INSYN2B: variants seen among roughly 807,000 people sequenced by gnomAD.
INSYN2B encodes inhibitory synaptic factor family member 2B, also known as protein INSYN2B.
INSYN2B carries 16 observed loss-of-function variants against 41.2 expected under a neutral mutation model. The observed-to-expected ratio is 0.39, with a 90% CI of 0.26 to 0.59. The LOEUF (loss-of-function observed/expected upper bound fraction) is 0.59, where lower values mean the gene tolerates loss of function less well. Among genes scored for constraint, INSYN2B ranks in the 20% least tolerant of loss-of-function variants. The probability of loss-of-function intolerance (pLI) is 0.57; values close to 1 mark genes in which losing one functional copy is unlikely to be tolerated. For synonymous variants in INSYN2B, 245 were observed against 244.4 expected (o/e 1.00, Z -0.02); for missense variants, 608 against 646.4 (o/e 0.94, Z 0.64).
chr5:169,924,222 C>A (rs1033506439), intron 1 of INSYN2B, among the ~76,000 whole-genome samples: 1 of 152,148 alleles, frequency 6.6e-6, no homozygotes, highest in African/African-American at 2.4e-5. Context: ...GTTACACCAG[C>A]CACACACACT....
rs1771631378 is a variant in INSYN2B, at chr5:169,867,340, A to G, written c.1422-2881T>C. Among the ~76,000 whole-genome samples, 7 of 152,296 alleles carry G rather than the reference A, an allele frequency of 4.6e-5. No homozygotes were observed. The South Asian group carries it at 1.0e-3, about 23-fold the overall frequency. Reference sequence around the variant, plus strand: ...CTGCTCCTGAGGCCTAACTCACCCAACGTGATAACAAAAGATTGTAACAAG... The same window carrying G: ...CTGCTCCTGAGGCCTAACTCACCCAGCGTGATAACAAAAGATTGTAACAAG... On this transcript the variant is annotated intron_variant, in intron 3 of 3. Transcript: ENST00000377365.
At chr5:169,965,166 CA>C (rs1022228903) in intron 1 of INSYN2B, among the ~76,000 whole-genome samples, 4 of 152,218 alleles carry the variant, frequency 2.6e-5, no homozygotes, top group African/African-American at 7.2e-5. Flanking sequence ...AGAAGGCTTA[CA>C]AAAGATACAT....
At chr5:169,896,093 G>T (rs1450123897) in intron 1 of INSYN2B, among the ~76,000 whole-genome samples, 2 of 152,068 alleles carry the variant, frequency 1.3e-5, no homozygotes, top group African/African-American at 2.4e-5. Flanking sequence ...AGCCTGATTG[G>T]CTGCACTGGG....
chr5:169,892,021 AAAAAG>A (rs1243606805), intron 1 of INSYN2B, among the ~76,000 whole-genome samples: 1 of 151,970 alleles, frequency 6.6e-6, no homozygotes. Context: ...AAGAAAAAGA[AAAAAG>A]AAAAGAAAAA....
chr5:169,870,626 A>C (rs1447199229), intron 3 of INSYN2B, among the ~76,000 whole-genome samples: 1 of 151,286 alleles, frequency 6.6e-6, no homozygotes, highest in Non-Finnish European at 1.5e-5. Context: ...ATTATACTTT[A>C]AGTTTTAGGG....
chr5:169,963,113 C>T (rs1777157997), intron 1 of INSYN2B, among the ~76,000 whole-genome samples: 1 of 152,220 alleles, frequency 6.6e-6, no homozygotes, highest in Admixed American at 6.5e-5. Flanking sequence ...CAGGAAACTA[C>T]ACCTTCTACC....
At chr5:169,893,540 G>A (rs1399739460) in intron 1 of INSYN2B, among the ~76,000 whole-genome samples, 1 of 147,812 alleles carries the variant, frequency 6.8e-6, no homozygotes, top group Non-Finnish European at 1.5e-5. Context: ...TATTTTTCCT[G>A]GGGTCAAACA....
intron 3 of INSYN2B, among the ~76,000 whole-genome samples, chr5:169,879,988 G>A (rs1366781054): frequency 6.6e-6 from 1 of 152,176 alleles, no homozygotes; most frequent in Non-Finnish European, 1.5e-5. Flanking sequence ...TGTTTATGAT[G>A]AATAGTTTTG....
At chr5:169,925,546 C>T (rs1034515539) in intron 1 of INSYN2B, among the ~76,000 whole-genome samples, 14 of 136,586 alleles carry the variant, frequency 1.0e-4, no homozygotes, top group African/African-American at 3.9e-4. Context: ...GGCCACTGAA[C>T]TCCAGCCTGG....
At chr5:169,972,632 T>C (rs113316809) in intron 1 of INSYN2B, among the ~76,000 whole-genome samples, 57 of 141,254 alleles carry the variant, frequency 4.0e-4, no homozygotes, top group African/African-American at 1.3e-3. Context: ...AGATAGATGA[T>C]AGGTGGATAA....
chr5:169,910,673 A>G (rs928845918), intron 1 of INSYN2B, among the ~76,000 whole-genome samples: 2 of 152,156 alleles, frequency 1.3e-5, no homozygotes, highest in African/African-American at 4.8e-5. Context: ...CCCCAAAATG[A>G]CCTGTTACAT....
At chr5:169,880,360 T>C (rs912545697) in intron 3 of INSYN2B, among the ~76,000 whole-genome samples, 7 of 152,256 alleles carry the variant, frequency 4.6e-5, no homozygotes, top group African/African-American at 1.7e-4. Flanking sequence ...TTCAGGATTC[T>C]GCCAGAGAGA....
intron 1 of INSYN2B, among the ~76,000 whole-genome samples, chr5:169,968,670 A>G (rs562483867): frequency 2.3e-4 from 35 of 152,274 alleles, no homozygotes; most frequent in African/African-American, 8.2e-4. Context: ...AAATCTTCAC[A>G]TTTTTCAATT....
chr5:169,934,934 T>C (rs929688193), intron 1 of INSYN2B: 6 of 329,292 alleles, frequency 1.8e-5, no homozygotes, highest in African/African-American at 1.1e-4. Flanking sequence ...GAAAGTAGTA[T>C]AGAAAGTGAT....
At chr5:169,946,591 T>C (rs1211978515) in intron 1 of INSYN2B, among the ~76,000 whole-genome samples, 1 of 152,174 alleles carries the variant, frequency 6.6e-6, no homozygotes, top group Admixed American at 6.5e-5. Context: ...TCATTCACTT[T>C]TTCATTCCAC....
chr5:169,904,923 C>T (rs1774187124), intron 1 of INSYN2B, among the ~76,000 whole-genome samples: 2 of 152,132 alleles, frequency 1.3e-5, no homozygotes, highest in Non-Finnish European at 2.9e-5. Context: ...CTCTGGAACC[C>T]GAGAGACCCG....
intron 1 of INSYN2B, among the ~76,000 whole-genome samples, chr5:169,939,108 A>ATG (rs1776124031): frequency 2.0e-5 from 3 of 151,350 alleles, no homozygotes; most frequent in Non-Finnish European, 2.9e-5. Flanking sequence ...GTTTCACCGC[A>ATG]TTAGCCAGGA....
At position 169,893,971 on chromosome 5, in the gene INSYN2B, A is replaced by G. The variant is rs1773444369; in HGVS notation, c.-918-9155T>C. ...AGATTGTCTAAAGAAATTATGAATA[A>G]AATTGGAAAAGTCTTTCCATTCTGA... On this transcript the variant is annotated intron_variant, in intron 1 of 3. Coordinates refer to ENST00000377365, the MANE Select transcript of INSYN2B (RefSeq NM_001129891.3). Among the ~76,000 whole-genome samples the G allele has an allele frequency of 3.3e-5, 5 of 152,338 alleles. No homozygotes were observed. The South Asian group carries it at 1.0e-3, about 32-fold the overall frequency.
At chr5:169,874,522 C>T (rs1350641318) in intron 3 of INSYN2B, among the ~76,000 whole-genome samples, 1 of 151,720 alleles carries the variant, frequency 6.6e-6, no homozygotes, top group Non-Finnish European at 1.5e-5. Flanking sequence ...ATGCATGGTC[C>T]TTGGTTCCCA....
Sources: allele counts gnomAD v4.1 joint callset (sites outside exome capture counted in the v4.1 genomes callset), GRCh38; gene constraint gnomAD v4.1.1; transcripts MANE v1.5; gene names NCBI Gene and HGNC (gene_info 2026-07-23, HGNC 2026-07-21).